GRM3: variants seen among roughly 807,000 people sequenced by gnomAD.
GRM3 encodes metabotropic glutamate receptor 3.
A neutral mutation model predicts 70.5 loss-of-function variants in GRM3; 26 were observed. The ratio of observed to expected loss-of-function variants is 0.37; its 90% CI spans 0.27 to 0.51. The LOEUF (loss-of-function observed/expected upper bound fraction) is 0.51. Among genes scored for constraint, GRM3 ranks in the 20% least tolerant of loss-of-function variants. The probability of loss-of-function intolerance (pLI) is 0.93; values close to 1 mark genes in which losing one functional copy is unlikely to be tolerated. For synonymous variants in GRM3, 443 were observed against 434.9 expected, an observed-to-expected ratio of 1.02 and a Z score of -0.23; for missense variants, 859 against 1,123.8, an observed-to-expected ratio of 0.76 and a Z score of 3.37.
At position 86,716,028 on chromosome 7, in the gene GRM3, C is replaced by T. The variant is rs145500956; in HGVS notation, c.-140-48978C>T. ...CAACCACCTACGTGGTACTTTTCATCCTCAAAGCTCTGGATCAACAATTAA... is the reference window on the plus strand; with the variant it reads ...CAACCACCTACGTGGTACTTTTCATTCTCAAAGCTCTGGATCAACAATTAA... On this transcript the variant is annotated intron_variant, in intron 1 of 5. Transcript: ENST00000361669. 3.7e-4 allele frequency among the ~76,000 whole-genome samples: 56 copies of T among 152,088 alleles called. 1 individual carries two copies. Among genetic ancestry groups the T allele is most frequent in the African/African-American group, 1.3e-3 (55 of 41,536 alleles).
intron 5 of GRM3, among the ~76,000 whole-genome samples, chr7:86,858,350 T>C (rs1798890736): frequency 6.6e-6 from 1 of 152,162 alleles, no homozygotes; most frequent in African/African-American, 2.4e-5. Flanking sequence ...CCAAATTTCA[T>C]GTGTTGAAAA....
intron 1 of GRM3, among the ~76,000 whole-genome samples, chr7:86,752,265 C>T (rs1796248186): frequency 6.6e-6 from 1 of 152,086 alleles, no homozygotes; most frequent in African/African-American, 2.4e-5. Flanking sequence ...TGGATTCATG[C>T]AATACGCACT....
chr7:86,721,935 T>C (rs534495048), intron 1 of GRM3, among the ~76,000 whole-genome samples: 1 of 152,084 alleles, frequency 6.6e-6, no homozygotes, highest in Non-Finnish European at 1.5e-5. Context: ...AGGAGAAACA[T>C]TGACTCCTGG....
intron 1 of GRM3, among the ~76,000 whole-genome samples, chr7:86,733,041 G>T (rs914813010): frequency 2.0e-5 from 3 of 152,280 alleles, no homozygotes; most frequent in East Asian, 1.9e-4. Flanking sequence ...ATGGCCGGGC[G>T]TGGTGTCTCA....
chr7:86,719,111 T>A (rs1372244413), intron 1 of GRM3, among the ~76,000 whole-genome samples: 1 of 151,834 alleles, frequency 6.6e-6, no homozygotes, highest in Non-Finnish European at 1.5e-5. Flanking sequence ...AAGGTTCTGA[T>A]CCAAGCAGTT....
intron 1 of GRM3, among the ~76,000 whole-genome samples, chr7:86,733,285 G>A (rs1795780473): frequency 6.7e-6 from 1 of 149,014 alleles, no homozygotes; most frequent in African/African-American, 2.5e-5. Flanking sequence ...CTGCACTCCA[G>A]CCTGGGCAAC....
At position 86,797,195 on chromosome 7, in the gene GRM3, T is replaced by C. The variant is rs140376058; in HGVS notation, c.1324+10079T>C. Among the ~76,000 whole-genome samples the C allele has an allele frequency of 1.7e-4, 26 of 152,316 alleles. 1 individual carries two copies. The highest frequency in any genetic ancestry group is 5.5e-4 in the African/African-American group (23 of 41,570). ...ATGTGGAAGCGACTTTGGAACTGGG[T>C]AACAGGCAGAGGTTGGAACAGTTTG... On this transcript the variant is annotated intron_variant, in intron 3 of 5. Transcript: ENST00000361669.
intron 3 of GRM3, among the ~76,000 whole-genome samples, chr7:86,799,285 C>T (rs544631563): frequency 6.6e-6 from 1 of 152,278 alleles, no homozygotes; most frequent in African/African-American, 2.4e-5. Flanking sequence ...AAGATCATGG[C>T]ATCTGCAAAC....
At chr7:86,736,999 C>T (rs755367779) in intron 1 of GRM3, among the ~76,000 whole-genome samples, 2 of 151,814 alleles carry the variant, frequency 1.3e-5, no homozygotes, top group Non-Finnish European at 2.9e-5. Context: ...AGAAGTCCTA[C>T]ATCACCAGTC....
At chr7:86,738,227 C>G (rs1562843890) in intron 1 of GRM3, among the ~76,000 whole-genome samples, 1 of 152,212 alleles carries the variant, frequency 6.6e-6, no homozygotes, top group Non-Finnish European at 1.5e-5. Flanking sequence ...CTTCGACTAA[C>G]TCCTCTGCTC....
intron 3 of GRM3, chr7:86,833,145 T>C (rs1305037923): frequency 1.0e-6 from 1 of 971,482 alleles, no homozygotes; most frequent in African/African-American, 1.8e-5. Context: ...CTGGAGTTTC[T>C]TCACGCCAAA....
intron 1 of GRM3, among the ~76,000 whole-genome samples, chr7:86,750,342 A>T (rs1796201112): frequency 6.6e-6 from 1 of 152,120 alleles, no homozygotes; most frequent in African/African-American, 2.4e-5. Context: ...TGTGTAATAC[A>T]GACTATGACC....
chr7:86,855,558 G>T (rs1798831307), intron 5 of GRM3, among the ~76,000 whole-genome samples: 1 of 152,130 alleles, frequency 6.6e-6, no homozygotes, highest in Admixed American at 6.5e-5. Context: ...GATTTTCTCT[G>T]CCAAGACAGT....
chr7:86,700,813 T>G (rs941453010), intron 1 of GRM3, among the ~76,000 whole-genome samples: 3 of 151,948 alleles, frequency 2.0e-5, no homozygotes, highest in Non-Finnish European at 4.4e-5. Context: ...GTGTTCTACT[T>G]GGTGGCTGGA....
At chr7:86,753,451 C>T (rs1403331795) in intron 1 of GRM3, among the ~76,000 whole-genome samples, 1 of 151,990 alleles carries the variant, frequency 6.6e-6, no homozygotes, top group East Asian at 1.9e-4. Context: ...TTTAACATGT[C>T]CCAGTAAGAA....
intron 1 of GRM3, among the ~76,000 whole-genome samples, chr7:86,664,322 A>C (rs1793970764): frequency 6.6e-6 from 1 of 151,802 alleles, no homozygotes; most frequent in Admixed American, 6.6e-5. Context: ...TTAGTAGTTA[A>C]AAATTGCAAT....
chr7:86,652,232 T>A (rs2115780696), intron 1 of GRM3, among the ~76,000 whole-genome samples: 1 of 152,318 alleles, frequency 6.6e-6, no homozygotes, highest in East Asian at 1.9e-4. Context: ...CTCTACTTTT[T>A]TTTTCTTCTT....
chr7:86,738,442 A>G (rs1208955394), intron 1 of GRM3, among the ~76,000 whole-genome samples: 4 of 152,204 alleles, frequency 2.6e-5, no homozygotes, highest in African/African-American at 9.6e-5. Flanking sequence ...AGGGCCAGAT[A>G]TTGACAGCAC....
At chr7:86,745,218 T>C (rs1796075277) in intron 1 of GRM3, among the ~76,000 whole-genome samples, 1 of 152,080 alleles carries the variant, frequency 6.6e-6, no homozygotes, top group Non-Finnish European at 1.5e-5. Context: ...ATAAAGCCTG[T>C]TTGACTTGGC....
Sources: allele counts gnomAD v4.1 joint callset (sites outside exome capture counted in the v4.1 genomes callset), GRCh38; gene constraint gnomAD v4.1.1; transcripts MANE v1.5; gene names NCBI Gene and HGNC (gene_info 2026-07-23, HGNC 2026-07-21).